ZNF713: variants seen among roughly 807,000 people sequenced by gnomAD.
The protein encoded by ZNF713 is zinc finger protein 713.
A neutral mutation model predicts 28.7 loss-of-function variants in ZNF713; 21 were observed. The ratio of observed to expected loss-of-function variants is 0.73; its 90% CI spans 0.52 to 1.05. The LOEUF (loss-of-function observed/expected upper bound fraction) is 1.05. ZNF713 is among the 50% of genes least tolerant of loss of function. ZNF713 has a pLI of 0.00. For missense variants in ZNF713, 458 were observed against 532.4 expected (o/e 0.86, Z 1.37); for synonymous variants, 167 against 178.0 (o/e 0.94, Z 0.49).
chr7:55,935,895 C>A (rs759988121), intron 6 of ZNF713, among the ~76,000 whole-genome samples: 1 of 151,904 alleles, frequency 6.6e-6, no homozygotes, highest in Non-Finnish European at 1.5e-5. Context: ...GCAGCGCTTG[C>A]AATGAGCCGA....
intron 1 of ZNF713, among the ~76,000 whole-genome samples, chr7:55,895,841 CTAT>C (rs1454479734): frequency 6.6e-6 from 1 of 152,048 alleles, no homozygotes; most frequent in African/African-American, 2.4e-5. Flanking sequence ...CAGGTAGATA[CTAT>C]TATTATTCCT....
At chr7:55,921,497 A>T (rs1311626789) in intron 4 of ZNF713, among the ~76,000 whole-genome samples, 1 of 152,212 alleles carries the variant, frequency 6.6e-6, no homozygotes, top group African/African-American at 2.4e-5. Flanking sequence ...TCGTGAGAGG[A>T]GGTCAAATAT....
At chr7:55,937,732 G>A (rs376379466) in intron 6 of ZNF713, among the ~76,000 whole-genome samples, 21 of 151,404 alleles carry the variant, frequency 1.4e-4, no homozygotes, top group African/African-American at 4.1e-4. Context: ...GTGAGACCCC[G>A]TCTCTAAAAA....
At position 55,939,429 on chromosome 7, in the gene ZNF713, ATCATAT is replaced by A; in HGVS notation, c.761_766del (p.Ile254_His255del). ...TTCAATCAACATATTCTTCTTACTG[ATCATAT>A]TCATACTGCAGAGAAACCCAGTGAG... On this transcript the variant is annotated inframe_deletion, in exon 7 of 7. Coordinates refer to ENST00000429591, the MANE Select transcript of ZNF713 (RefSeq NM_182633.3). The A allele has an allele frequency of 6.2e-7, 1 of 1,613,950 alleles. No homozygotes were observed. Among genetic ancestry groups the A allele is most frequent in the South Asian group, 1.1e-5 (1 of 91,072 alleles).
chr7:55,907,758 G>A (rs1173219847), intron 2 of ZNF713, among the ~76,000 whole-genome samples: 1 of 152,012 alleles, frequency 6.6e-6, no homozygotes, highest in Admixed American at 6.6e-5. Flanking sequence ...ATGGCCTCCA[G>A]CTCCATCCAT....
chr7:55,898,964 A>G (rs1038966148), intron 1 of ZNF713, among the ~76,000 whole-genome samples: 2 of 152,082 alleles, frequency 1.3e-5, no homozygotes, highest in South Asian at 4.2e-4. Context: ...GATAACAAGT[A>G]TTGGTGAGAG....
At chr7:55,929,177 A>G (rs890746351) in intron 6 of ZNF713, among the ~76,000 whole-genome samples, 1 of 152,144 alleles carries the variant, frequency 6.6e-6, no homozygotes, top group African/African-American at 2.4e-5. Context: ...GGGGAAAGCT[A>G]GGTAAGCTTA....
intron 1 of ZNF713, among the ~76,000 whole-genome samples, chr7:55,904,736 A>G (rs1384443567): frequency 1.3e-5 from 2 of 151,902 alleles, no homozygotes; most frequent in African/African-American, 2.4e-5. Flanking sequence ...ACATTAAATT[A>G]TTATTATTTT....
rs767408044 is a variant in ZNF713, at chr7:55,941,729, A to C, written c.*1723A>C. 3.3e-5 allele frequency: 5 copies of C among 152,178 alleles called. No individual in the cohort carries two copies. Among genetic ancestry groups the C allele is most frequent in the Non-Finnish European group, 7.3e-5 (5 of 68,032 alleles). 9.4% of individuals were successfully genotyped at this position (152,178 alleles called of 1,614,324 possible). On this transcript the variant is annotated 3_prime_UTR_variant, in exon 7 of 7. Coordinates refer to ENST00000429591, the MANE Select transcript of ZNF713 (RefSeq NM_182633.3). ...AATTTATTCTACTCTTCATCAAAAT[A>C]GATACATAACCTTGAAATTAAAAAT... is the stretch of plus-strand genomic sequence containing the variant.
At chr7:55,933,608 A>G (rs887570546) in intron 6 of ZNF713, among the ~76,000 whole-genome samples, 1 of 151,798 alleles carries the variant, frequency 6.6e-6, no homozygotes, top group Non-Finnish European at 1.5e-5. Context: ...TCCTCCTATA[A>G]TTTTATGCTT....
intron 1 of ZNF713, among the ~76,000 whole-genome samples, chr7:55,895,522 G>A (rs1304648759): frequency 7.9e-6 from 1 of 125,822 alleles, no homozygotes; most frequent in Admixed American, 1.0e-4. Context: ...AGGCTGGAGT[G>A]CAATGGCATG....
chr7:55,902,053 T>G (rs535029146), intron 1 of ZNF713, among the ~76,000 whole-genome samples: 1 of 152,232 alleles, frequency 6.6e-6, no homozygotes, highest in Non-Finnish European at 1.5e-5. Flanking sequence ...TAGCCAGGCT[T>G]GGTGACGTGT....
intron 1 of ZNF713, among the ~76,000 whole-genome samples, chr7:55,902,485 T>C (rs1289344457): frequency 6.6e-6 from 1 of 152,210 alleles, no homozygotes; most frequent in African/African-American, 2.4e-5. Context: ...ATTTCTCTTG[T>C]CATCTTAACT....
At chr7:55,919,460 G>A (rs1785942826) in intron 4 of ZNF713, among the ~76,000 whole-genome samples, 1 of 52,438 alleles carries the variant, frequency 1.9e-5, no homozygotes, top group Non-Finnish European at 3.1e-5. Context: ...TTGTATTGTA[G>A]TGTAGCTGGA....
intron 6 of ZNF713, among the ~76,000 whole-genome samples, chr7:55,929,919 ATAAT>A (rs1228927249): frequency 6.6e-6 from 1 of 152,190 alleles, no homozygotes; most frequent in Non-Finnish European, 1.5e-5. Flanking sequence ...GTATAAAATA[ATAAT>A]TCTGCTTGAT....
At chr7:55,901,257 A>G (rs1457591746) in intron 1 of ZNF713, among the ~76,000 whole-genome samples, 1 of 152,014 alleles carries the variant, frequency 6.6e-6, no homozygotes, top group African/African-American at 2.4e-5. Flanking sequence ...AGGCAGTGAG[A>G]GAGAGAGAGA....
intron 1 of ZNF713, among the ~76,000 whole-genome samples, chr7:55,888,927 T>G (rs1436898543): frequency 6.6e-6 from 1 of 151,848 alleles, no homozygotes; most frequent in Non-Finnish European, 1.5e-5. Context: ...GGTGTGTGCC[T>G]GTAGTCCCCA....
chr7:55,932,025 T>G (rs141189640), intron 6 of ZNF713, among the ~76,000 whole-genome samples: 3 of 152,326 alleles, frequency 2.0e-5, no homozygotes, highest in Admixed American at 2.0e-4. Flanking sequence ...CAGAAGCCTT[T>G]TGGCTGAAAA....
intron 4 of ZNF713, among the ~76,000 whole-genome samples, chr7:55,919,761 A>C (rs886656519): frequency 3.3e-5 from 5 of 152,080 alleles, no homozygotes. Flanking sequence ...ATTAATCACC[A>C]AATGAATTCA....
Sources: gnomAD v4.1 joint callset for allele counts (sites outside exome capture counted in the v4.1 genomes callset) on GRCh38, gnomAD v4.1.1 for gene constraint, MANE v1.5 for transcripts, NCBI Gene and HGNC (gene_info 2026-07-23, HGNC 2026-07-21) for gene names.